Variants in ADGRB3 observed in about 807,000 individuals in gnomAD.
The protein encoded by ADGRB3 is adhesion G protein-coupled receptor B3.
ADGRB3 carries 37 observed loss-of-function variants against 193.4 expected under a neutral mutation model. The ratio of observed to expected loss-of-function variants is 0.19; its 90% CI spans 0.15 to 0.25. The LOEUF (loss-of-function observed/expected upper bound fraction) is 0.25. ADGRB3 is among the 10% of genes least tolerant of loss of function. The pLI, the probability that ADGRB3 is intolerant of heterozygous loss-of-function variation, is 1.00. For synonymous variants in ADGRB3, 690 were observed against 644.2 expected (o/e 1.07, Z -1.08); for missense variants, 1,637 against 1,852.9 (o/e 0.88, Z 2.14).
At chr6:69,344,952 A>C (rs1220274321) in intron 26 of ADGRB3, among the ~76,000 whole-genome samples, 1 of 151,748 alleles carries the variant, frequency 6.6e-6, no homozygotes, top group Admixed American at 6.6e-5. Context: ...CATATGAAGC[A>C]CATGGAGGCA....
intron 3 of ADGRB3, among the ~76,000 whole-genome samples, chr6:68,757,892 T>C (rs142262787): frequency 7.2e-5 from 11 of 152,218 alleles, no homozygotes; most frequent in African/African-American, 2.6e-4. Flanking sequence ...CTGATTTCAG[T>C]ATCTATTCAC....
At chr6:68,672,355 C>T (rs1768984292) in intron 3 of ADGRB3, among the ~76,000 whole-genome samples, 1 of 151,410 alleles carries the variant, frequency 6.6e-6, no homozygotes, top group Admixed American at 6.6e-5. Flanking sequence ...GCATCACTAA[C>T]CGGTTTATTT....
chr6:68,903,764 T>C (rs1292312124), intron 3 of ADGRB3, among the ~76,000 whole-genome samples: 2 of 151,574 alleles, frequency 1.3e-5, no homozygotes, highest in African/African-American at 4.8e-5. Context: ...CCCATCGCTT[T>C]GAGTGGGAAG....
chr6:68,696,848 A>G (rs1422976246), intron 3 of ADGRB3, among the ~76,000 whole-genome samples: 2 of 152,088 alleles, frequency 1.3e-5, no homozygotes, highest in African/African-American at 4.8e-5. Flanking sequence ...TTTTCTTTAA[A>G]GAAAATCTGT....
chr6:69,130,266 G>C (rs1012622996), intron 17 of ADGRB3, among the ~76,000 whole-genome samples: 1 of 151,876 alleles, frequency 6.6e-6, no homozygotes, highest in Non-Finnish European at 1.5e-5. Context: ...CCTTTCAAAG[G>C]TTCCACCTCC....
At chr6:69,342,613 A>G (rs1391110462) in intron 26 of ADGRB3, among the ~76,000 whole-genome samples, 4 of 152,128 alleles carry the variant, frequency 2.6e-5, no homozygotes, top group African/African-American at 9.7e-5. Context: ...CATTGCCCTG[A>G]CATTACCATG....
chr6:69,307,697 T>C (rs994557122), intron 20 of ADGRB3, among the ~76,000 whole-genome samples: 5 of 151,410 alleles, frequency 3.3e-5, no homozygotes, highest in Non-Finnish European at 5.9e-5. Flanking sequence ...TCCTGAGCCC[T>C]CCCATGTCTT....
chr6:68,856,491 A>G (rs774614055), intron 3 of ADGRB3, among the ~76,000 whole-genome samples: 25 of 152,184 alleles, frequency 1.6e-4, no homozygotes, highest in Admixed American at 3.3e-4. Flanking sequence ...AACTGGAGCA[A>G]AGGTGACTCT....
intron 3 of ADGRB3, among the ~76,000 whole-genome samples, chr6:68,692,642 A>G (rs1765094456): frequency 1.3e-5 from 2 of 151,848 alleles, no homozygotes; most frequent in Admixed American, 1.3e-4. Context: ...AATAACCTCC[A>G]ATAGGCAATA....
chr6:68,903,318 T>A (rs1188673327), intron 3 of ADGRB3, among the ~76,000 whole-genome samples: 1 of 152,178 alleles, frequency 6.6e-6, no homozygotes, highest in East Asian at 1.9e-4. Context: ...AATATCAAAA[T>A]GACCTATTTT....
intron 3 of ADGRB3, among the ~76,000 whole-genome samples, chr6:68,925,586 A>T (rs1376001386): frequency 3.3e-5 from 5 of 152,018 alleles, no homozygotes; most frequent in Non-Finnish European, 7.4e-5. Flanking sequence ...GTAAGATTGT[A>T]TGGCTTGAAA....
chr6:68,923,261 T>C (rs1228524968), intron 3 of ADGRB3, among the ~76,000 whole-genome samples: 3 of 152,034 alleles, frequency 2.0e-5, no homozygotes, highest in African/African-American at 7.2e-5. Flanking sequence ...AGCATTTTTA[T>C]ATCAATATAA....
At position 69,305,021 on chromosome 6, in the gene ADGRB3, C is replaced by T. The variant is rs189555252; in HGVS notation, c.2815-19851C>T. Among the ~76,000 whole-genome samples, 9 of 151,452 alleles carry T rather than the reference C, an allele frequency of 5.9e-5. No individual in the cohort carries two copies. The East Asian group carries it at 1.2e-3, about 20-fold the overall frequency. On this transcript the variant is annotated intron_variant, in intron 20 of 31. Coordinates refer to ENST00000370598, the MANE Select transcript of ADGRB3 (RefSeq NM_001704.3). ...TCTCAGCATGGCTCATTACATTTTA[C>T]GGGACCATGAATATGTTACTCTATT...
intron 17 of ADGRB3, among the ~76,000 whole-genome samples, chr6:69,118,299 G>T (rs187666677): frequency 3.9e-5 from 6 of 152,056 alleles, no homozygotes; most frequent in Non-Finnish European, 7.4e-5. Flanking sequence ...TTTTGTTGTT[G>T]TCAGTGTCAA....
intron 3 of ADGRB3, among the ~76,000 whole-genome samples, chr6:68,681,163 G>T (rs955920378): frequency 6.6e-6 from 1 of 152,084 alleles, no homozygotes; most frequent in African/African-American, 2.4e-5. Context: ...GAGCTAGAAT[G>T]CACTCATTAT....
At chr6:69,242,671 C>G (rs184957075) in intron 20 of ADGRB3, among the ~76,000 whole-genome samples, 69 of 151,968 alleles carry the variant, frequency 4.5e-4, no homozygotes, top group African/African-American at 1.5e-3. Flanking sequence ...ACTGTATATT[C>G]AATTACTGGC....
rs906280281 is a variant in ADGRB3 at position 69,338,827 on chromosome 6, C to G, written c.3189-89C>G. ...ATAAATATACTTTTCTGCATGAAAT[C>G]GTATTTAAAAGCTAACTTGAAGCAG... On this transcript the variant is annotated intron_variant, in intron 24 of 31. Coordinates refer to ENST00000370598, the MANE Select transcript of ADGRB3 (RefSeq NM_001704.3). 3.9e-6 allele frequency: 4 copies of G among 1,032,342 alleles called. No individual in the cohort carries two copies. The Admixed American group carries it at 7.7e-5, about 20-fold the overall frequency. The allele number at this position is 1,032,342 out of a possible 1,614,324, so 63.9% of individuals were successfully genotyped here.
At chr6:69,139,333 G>A (rs1226370666) in intron 17 of ADGRB3, among the ~76,000 whole-genome samples, 1 of 152,174 alleles carries the variant, frequency 6.6e-6, no homozygotes, top group Non-Finnish European at 1.5e-5. Context: ...CTGATATTCA[G>A]ACTGGTTGGT....
At chr6:68,787,789 T>A (rs370893865) in intron 3 of ADGRB3, among the ~76,000 whole-genome samples, 1 of 151,768 alleles carries the variant, frequency 6.6e-6, no homozygotes, top group Non-Finnish European at 1.5e-5. Flanking sequence ...GGTCCTGGAC[T>A]TTTTTTGGTT....
Sources: gnomAD v4.1 joint callset for allele counts (sites outside exome capture counted in the v4.1 genomes callset) on GRCh38, gnomAD v4.1.1 for gene constraint, MANE v1.5 for transcripts, NCBI Gene and HGNC (gene_info 2026-07-23, HGNC 2026-07-21) for gene names.